AGBL1: variants seen among roughly 807,000 people sequenced by gnomAD.
AGBL1 encodes the protein AGBL carboxypeptidase 1.
Under a neutral mutation model 118.9 loss-of-function variants are expected in AGBL1, and 130 were observed. That is an observed-to-expected ratio of 1.09 (90% CI 0.95 to 1.26). The LOEUF is 1.26. Among genes scored for constraint, AGBL1 ranks in the 50% most tolerant of loss-of-function variants. The pLI is 0.00. For missense variants in AGBL1, 1,584 were observed against 1,298.1 expected, an observed-to-expected ratio of 1.22 and a Z score of -3.38; for synonymous variants, 555 against 478.9, an observed-to-expected ratio of 1.16 and a Z score of -2.08.
At chr15:86,634,936 A>G (rs1306993372) in intron 21 of AGBL1, among the ~76,000 whole-genome samples, 1 of 152,170 alleles carries the variant, frequency 6.6e-6, no homozygotes, top group Non-Finnish European at 1.5e-5. Flanking sequence ...GCATTGACTT[A>G]ACAAGAGATG....
At position 86,289,902 on chromosome 15, in the gene AGBL1, G is replaced by A. The variant is rs182411245; in HGVS notation, c.2221-5353G>A. 1.4e-3 allele frequency among the ~76,000 whole-genome samples: 215 copies of A among 152,276 alleles called. 3 individuals are homozygous for A. Among genetic ancestry groups the A allele is most frequent in the Non-Finnish European group, 8.8e-4 (60 of 68,030 alleles). ...AGGGATTAGAATATGGGCATCTTTG[G>A]AGGGCCATTATTCTGCCTATCACAC... On this transcript the variant is annotated intron_variant, in intron 16 of 22. Coordinates refer to ENST00000614907, the MANE Select transcript of AGBL1 (RefSeq NM_001386094.1).
intron 5 of AGBL1, among the ~76,000 whole-genome samples, chr15:86,208,902 G>A (rs913320176): frequency 2.2e-4 from 33 of 152,124 alleles, no homozygotes; most frequent in African/African-American, 6.8e-4. Context: ...TTTTAATTGT[G>A]ATGTTAGGGT....
intron 17 of AGBL1, among the ~76,000 whole-genome samples, chr15:86,393,924 C>T (rs750928633): frequency 1.2e-4 from 18 of 152,066 alleles, no homozygotes; most frequent in Non-Finnish European, 2.5e-4. Context: ...TTGTCCCTTC[C>T]ACATGTGAAG....
chr15:86,631,883 C>T (rs759993042), intron 21 of AGBL1, among the ~76,000 whole-genome samples: 11 of 152,156 alleles, frequency 7.2e-5, no homozygotes, highest in Non-Finnish European at 1.2e-4. Context: ...CTGCTTCGTA[C>T]TAGTTTTAAA....
intron 21 of AGBL1, among the ~76,000 whole-genome samples, chr15:86,591,823 G>T (rs1277906046): frequency 6.6e-6 from 1 of 152,096 alleles, no homozygotes; most frequent in African/African-American, 2.4e-5. Flanking sequence ...CTAAAAGTTA[G>T]GAGTGGAGTT....
At chr15:86,849,865 G>A (rs2079380358) in intron 22 of AGBL1, among the ~76,000 whole-genome samples, 1 of 152,238 alleles carries the variant, frequency 6.6e-6, no homozygotes, top group South Asian at 2.1e-4. Flanking sequence ...AACAGAGTGA[G>A]TAAGGCCTCT....
At chr15:86,113,943 T>C (rs927840291) in intron 1 of AGBL1, among the ~76,000 whole-genome samples, 12 of 152,240 alleles carry the variant, frequency 7.9e-5, no homozygotes, top group African/African-American at 2.7e-4. Context: ...TGTGTTATAT[T>C]GGTTCTTTGA....
At chr15:86,404,442 A>C (rs1253896045) in intron 18 of AGBL1, among the ~76,000 whole-genome samples, 4 of 152,138 alleles carry the variant, frequency 2.6e-5, no homozygotes. Flanking sequence ...AGGAGCTTAG[A>C]CTGTCTCCTC....
At chr15:86,281,523 G>C (rs1435030469) in intron 16 of AGBL1, among the ~76,000 whole-genome samples, 2 of 152,164 alleles carry the variant, frequency 1.3e-5, no homozygotes, top group Admixed American at 1.3e-4. Context: ...CTTTTTGCTT[G>C]TTAGAATATC....
At chr15:86,803,753 C>T (rs2078681470) in intron 22 of AGBL1, among the ~76,000 whole-genome samples, 1 of 152,096 alleles carries the variant, frequency 6.6e-6, no homozygotes, top group African/African-American at 2.4e-5. Context: ...TGGTCCTCAA[C>T]CAGGACTGAC....
At chr15:86,592,807 A>G (rs537014081) in intron 21 of AGBL1, among the ~76,000 whole-genome samples, 1 of 152,160 alleles carries the variant, frequency 6.6e-6, no homozygotes, top group African/African-American at 2.4e-5. Context: ...AGCTGTAACT[A>G]ATTATTATTT....
chr15:86,835,218 A>G (rs2079154849), intron 22 of AGBL1, among the ~76,000 whole-genome samples: 1 of 152,036 alleles, frequency 6.6e-6, no homozygotes, highest in African/African-American at 2.4e-5. Flanking sequence ...AAGTGAAGCA[A>G]CTCGCTGGGA....
At chr15:86,981,050 C>G (rs1198136336) in intron 23 of AGBL1, among the ~76,000 whole-genome samples, 3 of 151,978 alleles carry the variant, frequency 2.0e-5, no homozygotes, top group Non-Finnish European at 4.4e-5. Flanking sequence ...CCACCCCTGG[C>G]TAACTTTTGT....
At chr15:86,270,622 G>T (rs1264538310) in intron 14 of AGBL1, among the ~76,000 whole-genome samples, 2 of 152,178 alleles carry the variant, frequency 1.3e-5, no homozygotes, top group Admixed American at 6.5e-5. Context: ...TTGCTGGGTG[G>T]CTTTGAATGA....
chr15:86,123,361 TC>T (rs981424127), intron 1 of AGBL1, among the ~76,000 whole-genome samples: 8 of 152,254 alleles, frequency 5.3e-5, no homozygotes, highest in Admixed American at 5.2e-4. Flanking sequence ...TGCCTCAGCC[TC>T]CTGAGTAGCT....
intron 17 of AGBL1, among the ~76,000 whole-genome samples, chr15:86,312,881 G>A (rs1413870647): frequency 6.6e-6 from 1 of 152,110 alleles, no homozygotes. Context: ...GAAACACTGA[G>A]CAAAAAACAT....
intron 22 of AGBL1, among the ~76,000 whole-genome samples, chr15:86,821,281 C>G (rs1472048072): frequency 6.6e-6 from 1 of 152,000 alleles, no homozygotes; most frequent in Non-Finnish European, 1.5e-5. Flanking sequence ...ACCTATGTAA[C>G]AAACATGCAT....
At chr15:86,669,717 TTAAAG>T (rs896075052) in intron 21 of AGBL1, among the ~76,000 whole-genome samples, 101 of 152,324 alleles carry the variant, frequency 6.6e-4, no homozygotes, top group Admixed American at 3.3e-4. Context: ...CAATAATTTC[TTAAAG>T]TATTCTTTAA....
intron 21 of AGBL1, among the ~76,000 whole-genome samples, chr15:86,577,279 A>G (rs1433575948): frequency 2.0e-5 from 3 of 152,114 alleles, no homozygotes; most frequent in Non-Finnish European, 2.9e-5. Flanking sequence ...GACTGGTGGC[A>G]TTTTTCCCCT....
Sources: gnomAD v4.1 joint callset for allele counts (sites outside exome capture counted in the v4.1 genomes callset) on GRCh38, gnomAD v4.1.1 for gene constraint, MANE v1.5 for transcripts, NCBI Gene and HGNC (gene_info 2026-07-23, HGNC 2026-07-21) for gene names.